The following WDR36 variants were observed in gnomAD, a reference collection of about 807,000 sequenced individuals.
WDR36 encodes WD repeat domain 36, also known as WD repeat-containing protein 36.
A neutral mutation model predicts 112.7 loss-of-function variants in WDR36; 63 were observed. That is an observed-to-expected ratio of 0.56 (90% CI 0.46 to 0.69). The LOEUF (loss-of-function observed/expected upper bound fraction) is 0.69. WDR36 is among the 30% of genes least tolerant of loss of function. The pLI is 0.00. For synonymous variants in WDR36, 410 were observed against 362.2 expected, an observed-to-expected ratio of 1.13 and a Z score of -1.50; for missense variants, 1,226 against 1,070.3, an observed-to-expected ratio of 1.15 and a Z score of -2.03.
intron 4 of WDR36, among the ~76,000 whole-genome samples, chr5:111,099,176 C>G (rs183423134): frequency 2.6e-5 from 4 of 152,080 alleles, no homozygotes. Context: ...TGTATTTTCA[C>G]CTTTTAGTAA....
intron 16 of WDR36, among the ~76,000 whole-genome samples, chr5:111,117,919 C>T (rs1753489685): frequency 1.3e-5 from 2 of 152,104 alleles, no homozygotes; most frequent in African/African-American, 4.8e-5. Context: ...GTAGGCCTTT[C>T]TCTTTGCTTC....
At chr5:111,110,070 T>A in intron 12 of WDR36, 119 bp from the exon 13 acceptor site, 1 of 720,984 alleles carries the variant, frequency 1.4e-6, no homozygotes, top group Non-Finnish European at 2.5e-6. Context: ...ATGAAGCAAT[T>A]CATTTATTGT....
At chr5:111,120,618 T>A (rs1220478620) in intron 18 of WDR36, 25 bp downstream of exon 18, 2 of 1,566,488 alleles carry the variant, frequency 1.3e-6, no homozygotes, top group South Asian at 2.2e-5. Context: ...GCAAAGTAAT[T>A]TTTGAGGTGT....
intron 15 of WDR36, among the ~76,000 whole-genome samples, chr5:111,112,051 A>T (rs1352777304): frequency 1.3e-5 from 2 of 151,920 alleles, no homozygotes; most frequent in South Asian, 4.1e-4. Context: ...CATGGTCAGG[A>T]CATTGTGTTC....
intron 2 of WDR36, among the ~76,000 whole-genome samples, chr5:111,095,540 G>T (rs1752956990): frequency 2.0e-5 from 3 of 152,124 alleles, no homozygotes; most frequent in Admixed American, 6.5e-5. Context: ...AATGCATGTT[G>T]ATTATCCTTA....
At chr5:111,096,762 G>T (rs1051875126) in intron 2 of WDR36, among the ~76,000 whole-genome samples, 1 of 151,718 alleles carries the variant, frequency 6.6e-6, no homozygotes, top group African/African-American at 2.4e-5. Context: ...ATCTGTCAGA[G>T]CTTTGTGTTT....
chr5:111,113,056 T>A lies in WDR36; in HGVS notation c.1717-18T>A, dbSNP rs58944115. ...AAATAATATATATATATATATATTTTTTTTTTTTAATTTAAAGGCTTTTAG... is the reference window on the plus strand; with the variant it reads ...AAATAATATATATATATATATATTTATTTTTTTTAATTTAAAGGCTTTTAG... On this transcript the variant is annotated intron_variant, in intron 15 of 22. Transcript: ENST00000513710. 33,905 of 624,228 alleles carry A rather than the reference T, an allele frequency of 0.054. 1,413 individuals carry two copies. The highest frequency in any genetic ancestry group is 0.12 in the East Asian group (2,284 of 18,294). The allele number at this position is 624,228 out of a possible 1,614,324, so 38.7% of individuals were successfully genotyped here. A position where few individuals can be genotyped will look rare whatever the true frequency, so the allele number is the denominator to read the frequency against.
chr5:111,105,493 G>A, intron 10 of WDR36, 133 bp downstream of exon 10: 2 of 816,924 alleles, frequency 2.4e-6, no homozygotes, highest in Non-Finnish European at 4.0e-6. Flanking sequence ...TATGGAAGAG[G>A]TAGTAAGATT....
Position 111,128,817 on chromosome 5 carries a change from ACT to A in WDR36, c.*1937_*1938del, listed in dbSNP as rs1323978543. The A allele has an allele frequency of 1.6e-5, 3 of 184,414 alleles. No homozygotes were observed. The highest frequency in any genetic ancestry group is 2.4e-5 in the African/African-American group (1 of 42,536). The allele number at this position is 184,414 out of a possible 1,614,324, so 11.4% of individuals were successfully genotyped here. A position where few individuals can be genotyped will look rare whatever the true frequency, so the allele number is the denominator to read the frequency against. On this transcript the variant is annotated 3_prime_UTR_variant, in exon 23 of 23. Coordinates refer to ENST00000513710, the MANE Select transcript of WDR36 (RefSeq NM_139281.3). Reference sequence around the variant, plus strand: ...CCTTAAAATATATCAATCTGTGCACACTCTTTCAGTTTTTTAATTACTCATGT... The same window carrying A: ...CCTTAAAATATATCAATCTGTGCACACTTTCAGTTTTTTAATTACTCATGT...
Position 111,113,052 on chromosome 5 carries a change from A to ATATATT in WDR36, c.1717-21_1717-20insATATTT, listed in dbSNP as rs35527062. On this transcript the variant is annotated intron_variant, in intron 15 of 22. Transcript: ENST00000513710. Reference sequence around the variant, plus strand: ...ATATAAATAATATATATATATATATATTTTTTTTTTTTAATTTAAAGGCTT... The same window carrying ATATATT: ...ATATAAATAATATATATATATATATATATATTTTTTTTTTTTTTAATTTAAAGGCTT... The ATATATT allele has an allele frequency of 1.1e-3, 520 of 473,552 alleles. 2 individuals carry two copies. The highest frequency in any genetic ancestry group is 0.011 in the African/African-American group (418 of 38,910). The allele number at this position is 473,552 out of a possible 1,614,324, so 29.3% of individuals were successfully genotyped here.
chr5:111,100,858 C>G (rs1026794338), intron 5 of WDR36, 137 bp downstream of exon 5: 3 of 795,666 alleles, frequency 3.8e-6, no homozygotes, highest in Non-Finnish European at 5.8e-6. Context: ...AGTTGGTCCC[C>G]TGTATCAGAG....
chr5:111,119,050 A>C lies in WDR36; in HGVS notation c.1834A>C (p.Asn612His), dbSNP rs1159619617. The C allele has an allele frequency of 4.3e-6, 7 of 1,613,432 alleles. No homozygotes were observed. Among genetic ancestry groups the C allele is most frequent in the Non-Finnish European group, 5.9e-6 (7 of 1,179,596 alleles). ...DCFLLDSAPL[N>H]VSMSPTGDFL... ...CTTTTTGTTGGACTCGGCTCCTCTC[A>C]ATGTTTCTATGTCTCCTACTGGAGA... The change falls in exon 17 of 23, where the codon AAT becomes CAT. Residue 612 changes from asparagine (N) to histidine (H), a missense_variant. Asn to His is a moderately conservative substitution (Grantham distance 68). Coordinates refer to ENST00000513710, the MANE Select transcript of WDR36 (RefSeq NM_139281.3).
intron 3 of WDR36, among the ~76,000 whole-genome samples, chr5:111,097,787 G>A (rs1753023540): frequency 6.6e-6 from 1 of 152,186 alleles, no homozygotes; most frequent in Non-Finnish European, 1.5e-5. Flanking sequence ...AGGAATGGGG[G>A]TACAAAGATA....
intron 21 of WDR36, 49 bp downstream of exon 21, chr5:111,124,238 C>T (rs745355688): frequency 1.4e-6 from 2 of 1,446,742 alleles, no homozygotes. Context: ...GCTTATTTTA[C>T]TGTATATGAG....
Position 111,094,779 on chromosome 5 carries a change from A to T in WDR36, c.163-141A>T, listed in dbSNP as rs548158179. The T allele has an allele frequency of 5.7e-6, 4 of 697,638 alleles. No individual in the cohort carries two copies. In the East Asian group the frequency reaches 8.4e-5, roughly 15 times the overall value. The allele number at this position is 697,638 out of a possible 1,614,324, so 43.2% of individuals were successfully genotyped here. ...GAAAATATAAACTTTCCTAATAAAG[A>T]AAATTAGTGTCAGTAAGTGTCTTTC... On this transcript the variant is annotated intron_variant, in intron 1 of 22. Transcript: ENST00000513710.
In WDR36 at chr5:111,129,029, C is replaced by T. The variant is rs778087982; in HGVS notation, c.*2146C>T. On this transcript the variant is annotated 3_prime_UTR_variant, in exon 23 of 23. Coordinates refer to ENST00000513710, the MANE Select transcript of WDR36 (RefSeq NM_139281.3). Reference sequence around the variant, plus strand: ...AATGTATAGTTACGATTTTTACATACGTGTATGTATATTATTGTACAACTT... The same window carrying T: ...AATGTATAGTTACGATTTTTACATATGTGTATGTATATTATTGTACAACTT... 6.2e-5 allele frequency: 12 copies of T among 194,674 alleles called. No individual in the cohort carries two copies. Among genetic ancestry groups the T allele is most frequent in the East Asian group, 1.6e-4 (2 of 12,346 alleles). The allele number at this position is 194,674 out of a possible 1,614,324, so 12.1% of individuals were successfully genotyped here. A position where few individuals can be genotyped will look rare whatever the true frequency, so the allele number is the denominator to read the frequency against.
intron 4 of WDR36, among the ~76,000 whole-genome samples, chr5:111,099,220 C>A (rs1167860338): frequency 2.0e-5 from 3 of 152,002 alleles, no homozygotes; most frequent in Non-Finnish European, 2.9e-5. Flanking sequence ...ATCTTGTAAT[C>A]TGAAGGAAAA....
At chr5:111,106,864 C>T (rs1239528649) in intron 11 of WDR36, among the ~76,000 whole-genome samples, 3 of 151,224 alleles carry the variant, frequency 2.0e-5, no homozygotes, top group African/African-American at 7.3e-5. Flanking sequence ...TGCTGTCCTC[C>T]GTTTTGTTCA....
chr5:111,095,534 C>T (rs1347575004), intron 2 of WDR36, among the ~76,000 whole-genome samples: 4 of 152,172 alleles, frequency 2.6e-5, no homozygotes, highest in Non-Finnish European at 5.9e-5. Flanking sequence ...TTGCCAAATG[C>T]ATGTTGATTA....
Sources: gnomAD v4.1 joint callset for allele counts (sites outside exome capture counted in the v4.1 genomes callset) on GRCh38, gnomAD v4.1.1 for gene constraint, MANE v1.5 for transcripts, NCBI Gene and HGNC (gene_info 2026-07-23, HGNC 2026-07-21) for gene names.